The following JMY variants were observed in gnomAD, a reference collection of about 807,000 sequenced individuals.
JMY encodes the protein junction-mediating and -regulatory protein.
Under a neutral mutation model 103.3 loss-of-function variants are expected in JMY, and 46 were observed. That is an observed-to-expected ratio of 0.45 (90% CI 0.35 to 0.57). JMY has a LOEUF of 0.57. JMY is among the 20% of genes least tolerant of loss of function. The probability of loss-of-function intolerance (pLI) is 0.00; values close to 1 mark genes in which losing one functional copy is unlikely to be tolerated. For synonymous variants in JMY, 526 were observed against 489.3 expected, an observed-to-expected ratio of 1.07 and a Z score of -0.99; for missense variants, 1,238 against 1,255.2, an observed-to-expected ratio of 0.99 and a Z score of 0.21.
chr5:79,280,956 A>G (rs971748829), intron 2 of JMY, among the ~76,000 whole-genome samples: 5 of 151,606 alleles, frequency 3.3e-5, no homozygotes, highest in Admixed American at 6.6e-5. Context: ...AAAAGCAAGT[A>G]TAATTGATTA....
chr5:79,255,960 C>T (rs1248256498), intron 1 of JMY, among the ~76,000 whole-genome samples: 1 of 152,230 alleles, frequency 6.6e-6, no homozygotes, highest in Non-Finnish European at 1.5e-5. Context: ...ATTCAAGGCC[C>T]TAGGGCTCTA....
chr5:79,278,169 TTAAAA>T, intron 2 of JMY, 86 bp downstream of exon 2: 1 of 906,258 alleles, frequency 1.1e-6, no homozygotes, highest in Non-Finnish European at 1.5e-6. Context: ...AAGAGGAACT[TTAAAA>T]AAAAAAAAAA....
chr5:79,238,296 C>A (rs1744587602), intron 1 of JMY, among the ~76,000 whole-genome samples: 1 of 151,704 alleles, frequency 6.6e-6, no homozygotes, highest in South Asian at 2.1e-4. Context: ...GCTCAGGTTT[C>A]ACTGCTGTTT....
At chr5:79,284,830 C>T (rs958345623) in intron 2 of JMY, 3 of 1,574,194 alleles carry the variant, frequency 1.9e-6, no homozygotes, top group Non-Finnish European at 2.6e-6. Context: ...CACATCATAC[C>T]AATCTTTCTT....
intron 2 of JMY, 34 bp downstream of exon 2, chr5:79,278,117 C>G (rs1436934146): frequency 3.9e-6 from 6 of 1,543,334 alleles, no homozygotes; most frequent in Non-Finnish European, 5.3e-6. Context: ...AGTAGCCTGC[C>G]TGTTTCATAG....
intron 1 of JMY, among the ~76,000 whole-genome samples, chr5:79,237,951 C>A (rs80024205): frequency 1.0e-3 from 153 of 152,182 alleles, no homozygotes; most frequent in African/African-American, 3.5e-3. Flanking sequence ...ACTGGTAATG[C>A]GCAATTAAAG....
rs2112112375 is a variant in JMY at position 79,306,391 on chromosome 5, A to C, written c.1898A>C (p.Lys633Thr). The C allele has an allele frequency of 1.9e-6, 3 of 1,612,128 alleles. 1 individual carries two copies. In the East Asian group the frequency reaches 6.7e-5, roughly 36 times the overall value. Residue 633 changes from lysine to threonine, a missense_variant, in exon 7 of 11, where the codon AAA (lysine) becomes ACA (threonine). Physicochemically the swap from Lys to Thr is moderately conservative, Grantham distance 78. Transcript: ENST00000396137. ...LRNKKEICIAKHNEKIQQRTR... is the reference protein window; with the variant it reads ...LRNKKEICIATHNEKIQQRTR... ...TATTTACAGGAAATATGTATTGCAA[A>C]ACACAATGAAAAAATCCAACAGCGC...
chr5:79,249,460 T>C (rs977409527), intron 1 of JMY, among the ~76,000 whole-genome samples: 1 of 152,230 alleles, frequency 6.6e-6, no homozygotes, highest in African/African-American at 2.4e-5. Context: ...CAGTATGTTA[T>C]CAAGTCACTG....
intron 1 of JMY, among the ~76,000 whole-genome samples, chr5:79,253,353 C>T (rs755268051): frequency 6.6e-6 from 1 of 151,680 alleles, no homozygotes; most frequent in East Asian, 1.9e-4. Flanking sequence ...AGTGCAGTGG[C>T]GCAATCTCGG....
rs1479744672 is a variant in JMY, at chr5:79,325,495, A to G, written c.*3893A>G. The G allele has an allele frequency of 1.3e-5, 2 of 152,196 alleles. No homozygotes were observed. Among genetic ancestry groups the G allele is most frequent in the African/African-American group, 4.8e-5 (2 of 41,460 alleles). 9.4% of individuals were successfully genotyped at this position (152,196 alleles called of 1,614,324 possible). A position where few individuals can be genotyped will look rare whatever the true frequency, so the allele number is the denominator to read the frequency against. ...AAATGTAAATGATAACATAAAATTA[A>G]GTGTGCATTTTAAACAGATTCTATT... is the stretch of plus-strand genomic sequence containing the variant. On this transcript the variant is annotated 3_prime_UTR_variant, in exon 11 of 11. Coordinates refer to ENST00000396137, the MANE Select transcript of JMY (RefSeq NM_152405.5).
At chr5:79,239,384 T>G (rs80207186) in intron 1 of JMY, among the ~76,000 whole-genome samples, 3,138 of 152,338 alleles carry the variant, frequency 0.021, 132 homozygotes, top group African/African-American at 0.071. Context: ...TGTATTTCTC[T>G]TAAACTGCAA....
intron 5 of JMY, 39 bp downstream of exon 5, chr5:79,300,357 T>C (rs1416708542): frequency 6.8e-7 from 1 of 1,465,260 alleles, no homozygotes; most frequent in Admixed American, 2.6e-5. Flanking sequence ...CACCAAAGAT[T>C]GAATACATGA....
chr5:79,294,385 C>T (rs373068758), intron 4 of JMY, among the ~76,000 whole-genome samples: 22 of 151,844 alleles, frequency 1.4e-4, no homozygotes, highest in African/African-American at 5.1e-4. Flanking sequence ...ACAGCTTGGG[C>T]GACAGAGTGA....
chr5:79,273,395 G>A (rs1380273280), intron 1 of JMY, among the ~76,000 whole-genome samples: 1 of 152,176 alleles, frequency 6.6e-6, no homozygotes, highest in East Asian at 1.9e-4. Flanking sequence ...ATTCATAGGT[G>A]TACTTGTTCC....
chr5:79,242,625 T>G (rs1384526786), intron 1 of JMY, among the ~76,000 whole-genome samples: 1 of 152,152 alleles, frequency 6.6e-6, no homozygotes, highest in Non-Finnish European at 1.5e-5. Flanking sequence ...CCTAGATTTG[T>G]CTTAATCCAA....
At chr5:79,313,857 T>C (rs1747124143) in intron 8 of JMY, among the ~76,000 whole-genome samples, 1 of 152,200 alleles carries the variant, frequency 6.6e-6, no homozygotes, top group Admixed American at 6.5e-5. Context: ...AAATAACCAA[T>C]AAGCCAACAT....
intron 1 of JMY, among the ~76,000 whole-genome samples, chr5:79,243,003 G>A (rs984721687): frequency 6.6e-6 from 1 of 152,172 alleles, no homozygotes; most frequent in African/African-American, 2.4e-5. Flanking sequence ...CATGAGGTAG[G>A]GCAGTCTGAA....
At chr5:79,260,017 CTG>C (rs1219649494) in intron 1 of JMY, among the ~76,000 whole-genome samples, 1 of 152,248 alleles carries the variant, frequency 6.6e-6, no homozygotes, top group Non-Finnish European at 1.5e-5. Flanking sequence ...CAGTGCCCGA[CTG>C]TACTGCTACC....
At chr5:79,296,470 T>C (rs565875127) in intron 4 of JMY, among the ~76,000 whole-genome samples, 1 of 152,334 alleles carries the variant, frequency 6.6e-6, no homozygotes, top group South Asian at 2.1e-4. Flanking sequence ...CACCTTATGC[T>C]GTCCAAGGTT....
Sources: gnomAD v4.1 joint callset for allele counts (sites outside exome capture counted in the v4.1 genomes callset) on GRCh38, gnomAD v4.1.1 for gene constraint, MANE v1.5 for transcripts, NCBI Gene and HGNC (gene_info 2026-07-23, HGNC 2026-07-21) for gene names.